The following SATB2 variants were observed in gnomAD, a reference collection of about 807,000 sequenced individuals.
SATB2 encodes the protein DNA-binding protein SATB2.
SATB2 carries 1 observed loss-of-function variant against 73.4 expected under a neutral mutation model. The observed-to-expected ratio is 0.01, with a 90% CI of 0.00 to 0.06. The LOEUF is 0.06. Ranked by LOEUF, SATB2 falls within the 10% of genes least tolerant of loss-of-function variation. The pLI, the probability that SATB2 is intolerant of heterozygous loss-of-function variation, is 1.00. For synonymous variants in SATB2, 397 were observed against 367.0 expected (o/e 1.08, Z -0.93); for missense variants, 459 against 945.8 (o/e 0.49, Z 6.75).
chr2:199,361,590 G>A (rs10497835), intron 6 of SATB2, among the ~76,000 whole-genome samples: 18,275 of 151,280 alleles, frequency 0.12, 1,330 homozygotes, highest in South Asian at 0.32. Context: ...GGAATCATTC[G>A]TAAAACCTCA....
At chr2:199,410,075 C>A (rs1327476437) in intron 3 of SATB2, among the ~76,000 whole-genome samples, 3 of 152,152 alleles carry the variant, frequency 2.0e-5, no homozygotes, top group Non-Finnish European at 4.4e-5. Context: ...CTAGAGATCA[C>A]AAACTGCCTT....
intron 2 of SATB2, among the ~76,000 whole-genome samples, chr2:199,451,246 A>G (rs1692114769): frequency 6.6e-6 from 1 of 152,000 alleles, no homozygotes; most frequent in African/African-American, 2.4e-5. Flanking sequence ...TGAGGGGCGG[A>G]TACCCTATGT....
intron 10 of SATB2, among the ~76,000 whole-genome samples, chr2:199,286,355 T>A (rs983651233): frequency 6.6e-6 from 1 of 152,144 alleles, no homozygotes; most frequent in African/African-American, 2.4e-5. Context: ...AATTATACCT[T>A]TCCCTTAATC....
chr2:199,332,060 GA>G (rs1045934954), intron 7 of SATB2, among the ~76,000 whole-genome samples: 1 of 152,084 alleles, frequency 6.6e-6, no homozygotes, highest in Non-Finnish European at 1.5e-5. Flanking sequence ...TTTATGAATA[GA>G]AAGGTCATGA....
At chr2:199,285,075 T>C (rs1388756999) in intron 10 of SATB2, among the ~76,000 whole-genome samples, 1 of 152,158 alleles carries the variant, frequency 6.6e-6, no homozygotes, top group East Asian at 1.9e-4. Context: ...TATCTATAAT[T>C]ATTTTTAAAT....
At chr2:199,353,148 CTTTTTTTT>C (rs11369554) in intron 6 of SATB2, among the ~76,000 whole-genome samples, 1 of 88,014 alleles carries the variant, frequency 1.1e-5, no homozygotes, top group Non-Finnish European at 2.0e-5. Context: ...ACGTTTTTGT[CTTTTTTTT>C]TTTTTTTTTT....
chr2:199,439,423 T>C (rs999377776), intron 2 of SATB2, among the ~76,000 whole-genome samples: 1 of 152,236 alleles, frequency 6.6e-6, no homozygotes, highest in Admixed American at 6.5e-5. Context: ...TCTAGTTCTA[T>C]CACCTGAGAA....
chr2:199,445,183 C>A (rs1691929003), intron 2 of SATB2, among the ~76,000 whole-genome samples: 1 of 152,162 alleles, frequency 6.6e-6, no homozygotes, highest in South Asian at 2.1e-4. Context: ...CGTTATGGAG[C>A]TGAGAATTAT....
At chr2:199,466,330 C>A (rs1215713721), upstream of SATB2, among the ~76,000 whole-genome samples, 2 of 152,160 alleles carry the variant, frequency 1.3e-5, no homozygotes, top group Non-Finnish European at 2.9e-5. Context: ...GGTGTACATA[C>A]TCCCCATTTT....
chr2:199,420,070 T>C (rs1691118494), intron 3 of SATB2, among the ~76,000 whole-genome samples: 1 of 152,216 alleles, frequency 6.6e-6, no homozygotes, highest in African/African-American at 2.4e-5. Context: ...GTGTGGTGGC[T>C]AAGCCACTGT....
rs1235261648 is a variant in SATB2 at position 199,271,366 on chromosome 2, C to T, written c.*845G>A. The T allele has an allele frequency of 6.6e-6, 1 of 152,622 alleles. No homozygotes were observed. The highest frequency in any genetic ancestry group is 1.5e-5 in the Non-Finnish European group (1 of 68,026). The allele number at this position is 152,622 out of a possible 1,614,324, so 9.5% of individuals were successfully genotyped here. A position where few individuals can be genotyped will look rare whatever the true frequency, so the allele number is the denominator to read the frequency against. ...ACTACAGTAATGACAAATTGAATAA[C>T]GGAACGTAGCAAGTCATTTTATTGA... On this transcript the variant is annotated 3_prime_UTR_variant, in exon 11 of 11. Transcript: ENST00000417098.
At chr2:199,424,963 C>A (rs981817796) in intron 3 of SATB2, among the ~76,000 whole-genome samples, 1 of 152,162 alleles carries the variant, frequency 6.6e-6, no homozygotes. Flanking sequence ...CAAATGAGTT[C>A]CTTGAATGAA....
intron 2 of SATB2, among the ~76,000 whole-genome samples, chr2:199,449,192 CATAATT>C (rs536699033): frequency 2.5e-4 from 38 of 152,214 alleles, no homozygotes; most frequent in African/African-American, 9.1e-4. Flanking sequence ...ACTCTATTGT[CATAATT>C]ATATATCTAA....
At chr2:199,354,635 C>A (rs1398976858) in intron 6 of SATB2, among the ~76,000 whole-genome samples, 1 of 152,152 alleles carries the variant, frequency 6.6e-6, no homozygotes. Flanking sequence ...GGGAAAGGTA[C>A]CAGTCCAGGG....
intron 6 of SATB2, among the ~76,000 whole-genome samples, chr2:199,361,029 A>G (rs1272784924): frequency 6.6e-6 from 1 of 151,962 alleles, no homozygotes; most frequent in Non-Finnish European, 1.5e-5. Flanking sequence ...TTTTCCTCTC[A>G]AAGCTTCCAG....
intron 1 of SATB2, among the ~76,000 whole-genome samples, 168 bp from the exon 2 acceptor site, chr2:199,456,264 C>T (rs1198742853): frequency 1.3e-5 from 2 of 152,256 alleles, no homozygotes; most frequent in Non-Finnish European, 2.9e-5. Context: ...CAACCTTACA[C>T]TGGGCGGCCC....
chr2:199,338,130 G>T (rs1318430451), intron 7 of SATB2, among the ~76,000 whole-genome samples: 1 of 152,068 alleles, frequency 6.6e-6, no homozygotes, highest in Non-Finnish European at 1.5e-5. Context: ...TTAGGAGGCC[G>T]AGGCAGGCAG....
chr2:199,387,652 A>G (rs1002911018), intron 3 of SATB2, among the ~76,000 whole-genome samples: 1 of 152,226 alleles, frequency 6.6e-6, no homozygotes, highest in Non-Finnish European at 1.5e-5. Context: ...AAATTCATAC[A>G]AATGTTAACA....
At position 199,421,052 on chromosome 2, in the gene SATB2, C is replaced by T. The variant is rs777497507; in HGVS notation, c.346+12286G>A. ...CCAACATACTCACATAGGAAGAGAA[C>T]GATCCCAGTATCTGAGGATAGGCCT... is the stretch of plus-strand genomic sequence containing the variant. On this transcript the variant is annotated intron_variant, in intron 3 of 10. Transcript: ENST00000417098. 2.4e-4 allele frequency among the ~76,000 whole-genome samples: 37 copies of T among 152,196 alleles called. 1 individual carries two copies. Among genetic ancestry groups the T allele is most frequent in the South Asian group, 6.2e-4 (3 of 4,816 alleles).
Sources: gnomAD v4.1 joint callset for allele counts (sites outside exome capture counted in the v4.1 genomes callset) on GRCh38, gnomAD v4.1.1 for gene constraint, MANE v1.5 for transcripts, NCBI Gene and HGNC (gene_info 2026-07-23, HGNC 2026-07-21) for gene names.